Variants in MAP3K5 observed in about 807,000 individuals in gnomAD.
MAP3K5 encodes mitogen-activated protein kinase kinase kinase 5, also known as ASK-1.
In MAP3K5, 56 loss-of-function variants were observed where a neutral mutation model predicts 158.7. That is an observed-to-expected ratio of 0.35 (90% CI 0.28 to 0.44). The LOEUF (loss-of-function observed/expected upper bound fraction) is 0.44. MAP3K5 is among the 20% of genes least tolerant of loss of function. The pLI, the probability that MAP3K5 is intolerant of heterozygous loss-of-function variation, is 1.00. For synonymous variants in MAP3K5, 579 were observed against 601.7 expected, an observed-to-expected ratio of 0.96 and a Z score of 0.55; for missense variants, 1,294 against 1,674.8, an observed-to-expected ratio of 0.77 and a Z score of 3.97.
intron 1 of MAP3K5, among the ~76,000 whole-genome samples, chr6:136,781,132 A>C (rs1223806599): frequency 1.3e-5 from 2 of 152,220 alleles, no homozygotes; most frequent in African/African-American, 4.8e-5. Flanking sequence ...AACTGTCCCC[A>C]GGCTGTGCTG....
rs1053030139 is a variant in MAP3K5, at chr6:136,732,244, G to T, written c.449-11655C>A. Among the ~76,000 whole-genome samples, 2 of 152,014 alleles carry T rather than the reference G, an allele frequency of 1.3e-5. 1 individual carries two copies. The highest frequency in any genetic ancestry group is 4.1e-4 in the South Asian group (2 of 4,824). The stretch of plus-strand genomic sequence containing the variant: ...GTTCGAGACCAGCCTGACCAACATG[G>T]TGAAATACCGTCTCTACCAAAAATA... On this transcript the variant is annotated intron_variant, in intron 1 of 29. Transcript: ENST00000359015.
intron 26 of MAP3K5, among the ~76,000 whole-genome samples, chr6:136,563,065 C>A (rs984543443): frequency 6.6e-6 from 1 of 151,936 alleles, no homozygotes; most frequent in African/African-American, 2.4e-5. Context: ...TCCAGTGCCC[C>A]GGGGGTGAGT....
chr6:136,683,481 A>G (rs1780019582), intron 7 of MAP3K5, among the ~76,000 whole-genome samples: 1 of 152,154 alleles, frequency 6.6e-6, no homozygotes, highest in Admixed American at 6.6e-5. Flanking sequence ...GACCTGACTG[A>G]TGTCTTTCAG....
At chr6:136,756,538 T>G in intron 1 of MAP3K5, among the ~76,000 whole-genome samples, 1 of 152,072 alleles carries the variant, frequency 6.6e-6, no homozygotes, top group East Asian at 1.9e-4. Context: ...AACCTCCGCC[T>G]CCCTGCAACC....
rs566557396 is a variant in MAP3K5 at position 136,601,255 on chromosome 6, T to C, written c.2858-213A>G. Among the ~76,000 whole-genome samples the C allele has an allele frequency of 4.8e-4, 73 of 152,252 alleles. 1 individual carries two copies. In the South Asian group the frequency reaches 0.015, roughly 30 times the overall value. On this transcript the variant is annotated intron_variant, in intron 20 of 29. Transcript: ENST00000359015. ...GAGTTATAGACAATTATTGCAAAAA[T>C]ATAATGTACTTATATTTTTACACTA...
intron 15 of MAP3K5, among the ~76,000 whole-genome samples, chr6:136,617,644 C>A (rs1776622990): frequency 6.6e-6 from 1 of 152,076 alleles, no homozygotes; most frequent in African/African-American, 2.4e-5. Context: ...ATAGAAATAA[C>A]CAGTCCACGG....
chr6:136,652,094 G>A (rs1411470195), intron 10 of MAP3K5, among the ~76,000 whole-genome samples: 1 of 152,028 alleles, frequency 6.6e-6, no homozygotes, highest in Non-Finnish European at 1.5e-5. Flanking sequence ...AAATAAAAGT[G>A]GAGGAAAACT....
At chr6:136,587,166 G>A (rs1041451292) in intron 23 of MAP3K5, among the ~76,000 whole-genome samples, 2 of 152,146 alleles carry the variant, frequency 1.3e-5, no homozygotes, top group African/African-American at 4.8e-5. Context: ...CAGATTAAAA[G>A]GCTTTTCATG....
intron 3 of MAP3K5, among the ~76,000 whole-genome samples, chr6:136,700,649 A>C (rs1043692968): frequency 5.3e-5 from 8 of 152,326 alleles, no homozygotes; most frequent in Admixed American, 3.3e-4. Flanking sequence ...ACTTTTAAAG[A>C]GGTTGGGATT....
intron 11 of MAP3K5, among the ~76,000 whole-genome samples, chr6:136,643,482 C>A (rs1331778391): frequency 6.6e-6 from 1 of 152,156 alleles, no homozygotes; most frequent in African/African-American, 2.4e-5. Flanking sequence ...CCACCCACTG[C>A]CAGGAGGCTG....
At chr6:136,624,751 T>C (rs1487394900) in intron 14 of MAP3K5, among the ~76,000 whole-genome samples, 2 of 152,110 alleles carry the variant, frequency 1.3e-5, no homozygotes, top group Non-Finnish European at 2.9e-5. Context: ...TCAAATTCCA[T>C]AGATATGGAG....
Position 136,557,714 on chromosome 6 carries a change from T to C in MAP3K5, c.*44A>G, listed in dbSNP as rs1830313151. The C allele has an allele frequency of 7.1e-7, 1 of 1,408,734 alleles. No homozygotes were observed. Among genetic ancestry groups the C allele is most frequent in the Non-Finnish European group, 1.0e-6 (1 of 992,506 alleles). The allele number at this position is 1,408,734 out of a possible 1,614,324, so 87.3% of individuals were successfully genotyped here. A position where few individuals can be genotyped will look rare whatever the true frequency, so the allele number is the denominator to read the frequency against. On this transcript the variant is annotated 3_prime_UTR_variant, in exon 30 of 30. Transcript: ENST00000359015. The stretch of plus-strand genomic sequence containing the variant: ...CCCACCCCCAAGAAGATCAGCTCTG[T>C]ATTAATTTTTAGAATTTCCATCGAA...
intron 1 of MAP3K5, among the ~76,000 whole-genome samples, chr6:136,742,541 T>C (rs1782756661): frequency 6.6e-6 from 1 of 151,840 alleles, no homozygotes; most frequent in Admixed American, 6.6e-5. Context: ...TGAAAAACTA[T>C]AAAACTCCTG....
chr6:136,783,702 T>C (rs952803438), intron 1 of MAP3K5, among the ~76,000 whole-genome samples: 3 of 152,188 alleles, frequency 2.0e-5, no homozygotes, highest in African/African-American at 7.2e-5. Flanking sequence ...GGCCCTCGAA[T>C]GGCCTCCTGG....
chr6:136,748,064 C>T (rs975164616), intron 1 of MAP3K5, among the ~76,000 whole-genome samples: 2 of 152,094 alleles, frequency 1.3e-5, no homozygotes, highest in African/African-American at 4.8e-5. Context: ...CCATTTTCTG[C>T]CCCAAAGTGA....
At chr6:136,619,716 T>C (rs1682349439) in intron 15 of MAP3K5, among the ~76,000 whole-genome samples, 1 of 152,072 alleles carries the variant, frequency 6.6e-6, no homozygotes, top group Admixed American at 6.5e-5. Flanking sequence ...TTGCAGAGAC[T>C]AGAAGGGAGT....
At chr6:136,739,530 A>G (rs999657090) in intron 1 of MAP3K5, among the ~76,000 whole-genome samples, 7 of 152,146 alleles carry the variant, frequency 4.6e-5, no homozygotes, top group Non-Finnish European at 8.8e-5. Flanking sequence ...CTTTTTTCTC[A>G]TACTTTTCCT....
intron 18 of MAP3K5, among the ~76,000 whole-genome samples, chr6:136,608,484 G>T (rs970500926): frequency 1.3e-5 from 2 of 152,160 alleles, no homozygotes; most frequent in Non-Finnish European, 2.9e-5. Context: ...TGTTTTGAAG[G>T]CTTCGTGGAC....
chr6:136,673,400 A>G (rs1470525833), intron 7 of MAP3K5, among the ~76,000 whole-genome samples: 2 of 152,234 alleles, frequency 1.3e-5, no homozygotes, highest in Non-Finnish European at 2.9e-5. Context: ...CCAATAAACA[A>G]AAGCAAACAC....
Sources: allele counts gnomAD v4.1 joint callset (sites outside exome capture counted in the v4.1 genomes callset), GRCh38; gene constraint gnomAD v4.1.1; transcripts MANE v1.5; gene names NCBI Gene and HGNC (gene_info 2026-07-23, HGNC 2026-07-21).